FNIP2: variants seen among roughly 807,000 people sequenced by gnomAD.
FNIP2 encodes folliculin interacting protein 2, also known as folliculin-interacting protein 2.
Under a neutral mutation model 108.7 loss-of-function variants are expected in FNIP2, and 32 were observed. The ratio of observed to expected loss-of-function variants is 0.29; its 90% CI spans 0.22 to 0.40. The LOEUF (loss-of-function observed/expected upper bound fraction) is 0.40. FNIP2 is among the 10% of genes least tolerant of loss of function. The pLI is 1.00. For missense variants in FNIP2, 1,202 were observed against 1,381.6 expected (o/e 0.87, Z 2.06); for synonymous variants, 480 against 496.7 (o/e 0.97, Z 0.45).
At chr4:158,783,298 A>G (rs1776113405) in intron 1 of FNIP2, among the ~76,000 whole-genome samples, 1 of 152,180 alleles carries the variant, frequency 6.6e-6, no homozygotes, top group African/African-American at 2.4e-5. Context: ...GCATTGCCAT[A>G]GTGTTTTAGA....
intron 5 of FNIP2, among the ~76,000 whole-genome samples, chr4:158,833,016 A>C (rs1324778700): frequency 1.3e-5 from 2 of 152,202 alleles, no homozygotes; most frequent in Non-Finnish European, 2.9e-5. Flanking sequence ...AATTCTTTTT[A>C]GAAGTTGTGA....
chr4:158,806,223 A>C, intron 1 of FNIP2: 1 of 1,288,126 alleles, frequency 7.8e-7, no homozygotes, highest in Non-Finnish European at 1.0e-6. Flanking sequence ...AGGATAAACC[A>C]GAAGAACATT....
intron 1 of FNIP2, among the ~76,000 whole-genome samples, chr4:158,815,471 C>T (rs972271148): frequency 5.9e-5 from 9 of 152,018 alleles, no homozygotes; most frequent in African/African-American, 2.2e-4. Context: ...CAAGCTCCGC[C>T]TCTCGGGTTC....
At chr4:158,821,624 A>G (rs932689475) in intron 1 of FNIP2, among the ~76,000 whole-genome samples, 1 of 152,184 alleles carries the variant, frequency 6.6e-6, no homozygotes, top group Non-Finnish European at 1.5e-5. Flanking sequence ...GGGAATTTCC[A>G]TAGATTATCT....
chr4:158,892,712 A>G (rs1782362849), intron 15 of FNIP2, among the ~76,000 whole-genome samples: 1 of 152,078 alleles, frequency 6.6e-6, no homozygotes, highest in South Asian at 2.1e-4. Context: ...GTGTGTGAGG[A>G]AAGAGTCTGC....
At chr4:158,865,114 C>T (rs1780508566) in intron 12 of FNIP2, among the ~76,000 whole-genome samples, 3 of 152,242 alleles carry the variant, frequency 2.0e-5, no homozygotes, top group Middle Eastern at 3.4e-3. Flanking sequence ...CGCTTGACTC[C>T]TTCACTTTTT....
intron 1 of FNIP2, among the ~76,000 whole-genome samples, chr4:158,785,989 T>G (rs1294098282): frequency 6.6e-6 from 1 of 152,200 alleles, no homozygotes; most frequent in Non-Finnish European, 1.5e-5. Context: ...TAAGAATAGT[T>G]TGAAGATCTT....
intron 7 of FNIP2, among the ~76,000 whole-genome samples, chr4:158,844,313 G>A (rs1196789828): frequency 1.3e-5 from 2 of 152,160 alleles, no homozygotes; most frequent in African/African-American, 2.4e-5. Flanking sequence ...TATATAAGTA[G>A]GAGTATGCTT....
intron 1 of FNIP2, among the ~76,000 whole-genome samples, chr4:158,781,523 T>C (rs1776046018): frequency 6.6e-6 from 1 of 152,096 alleles, no homozygotes; most frequent in African/African-American, 2.4e-5. Context: ...TTTTTGTTTG[T>C]TTTTGTTTTG....
chr4:158,813,424 C>T (rs1376775551), intron 1 of FNIP2, among the ~76,000 whole-genome samples: 1 of 152,174 alleles, frequency 6.6e-6, no homozygotes, highest in Non-Finnish European at 1.5e-5. Context: ...TTCTGTTTCT[C>T]TAATGACATA....
intron 1 of FNIP2, among the ~76,000 whole-genome samples, chr4:158,779,429 C>G (rs1035074882): frequency 3.9e-5 from 6 of 152,062 alleles, no homozygotes; most frequent in African/African-American, 1.4e-4. Flanking sequence ...CAACCAGCAA[C>G]AGTTGGTATC....
chr4:158,829,049 C>A (rs1260104339), intron 2 of FNIP2, 30 bp from the exon 3 acceptor site: 2 of 1,550,034 alleles, frequency 1.3e-6, no homozygotes, highest in Admixed American at 1.9e-5. Context: ...ACTTAGTAAT[C>A]TTTTACCTTG....
At chr4:158,855,509 G>A (rs1029548941) in intron 8 of FNIP2, among the ~76,000 whole-genome samples, 2 of 152,142 alleles carry the variant, frequency 1.3e-5, no homozygotes, top group African/African-American at 2.4e-5. Context: ...GTGCAATGGT[G>A]CAATCTCAGC....
chr4:158,776,874 T>C (rs4493489), intron 1 of FNIP2, among the ~76,000 whole-genome samples: 55,018 of 152,118 alleles, frequency 0.36, 10,409 homozygotes, highest in Middle Eastern at 0.47. Context: ...TCTCTTGAAA[T>C]ATTTCTTGAT....
chr4:158,836,610 C>T (rs2126606298), intron 7 of FNIP2: 1 of 150,144 alleles, frequency 6.7e-6, no homozygotes, highest in Non-Finnish European at 1.5e-5. Context: ...ACCAGCCTGA[C>T]CAACATGGCG....
chr4:158,845,661 AG>A (rs1779363250), intron 7 of FNIP2, among the ~76,000 whole-genome samples: 1 of 152,236 alleles, frequency 6.6e-6, no homozygotes, highest in African/African-American at 2.4e-5. Flanking sequence ...TCAGATAGTG[AG>A]CCAGGCCAAC....
chr4:158,896,127 C>T (rs1782651500), intron 16 of FNIP2, among the ~76,000 whole-genome samples: 1 of 152,162 alleles, frequency 6.6e-6, no homozygotes, highest in South Asian at 2.1e-4. Flanking sequence ...TTATCTTATG[C>T]TTGAAAAGAA....
At chr4:158,887,727 A>T (rs1782089534) in intron 14 of FNIP2, among the ~76,000 whole-genome samples, 1 of 77,986 alleles carries the variant, frequency 1.3e-5, no homozygotes, top group Non-Finnish European at 2.2e-5. Flanking sequence ...ACAAAGTGAG[A>T]CTCTGTCTCA....
At chr4:158,835,601 A>AAAG in intron 7 of FNIP2, 125 bp downstream of exon 7, 1 of 751,428 alleles carries the variant, frequency 1.3e-6, no homozygotes, top group Admixed American at 2.1e-5. Flanking sequence ...TTCCTAAGAT[A>AAAG]GTCTGACATA....
Sources: allele counts gnomAD v4.1 joint callset (sites outside exome capture counted in the v4.1 genomes callset), GRCh38; gene constraint gnomAD v4.1.1; transcripts MANE v1.5; gene names NCBI Gene and HGNC (gene_info 2026-07-23, HGNC 2026-07-21).